RTN1: variants seen among roughly 807,000 people sequenced by gnomAD.
RTN1 encodes reticulon-1.
In RTN1, 25 loss-of-function variants were observed where a neutral mutation model predicts 65.5. The ratio of observed to expected loss-of-function variants is 0.38; its 90% CI spans 0.28 to 0.53. The LOEUF is 0.53. Among genes scored for constraint, RTN1 ranks in the 20% least tolerant of loss-of-function variants. The probability of loss-of-function intolerance (pLI) is 0.79; values close to 1 mark genes in which losing one functional copy is unlikely to be tolerated. For synonymous variants in RTN1, 471 were observed against 447.6 expected (o/e 1.05, Z -0.66); for missense variants, 983 against 1,025.4 (o/e 0.96, Z 0.57).
At position 59,674,487 on chromosome 14, in the gene RTN1, G is replaced by A. The variant is rs564885851; in HGVS notation, c.1765+52432C>T. Among the ~76,000 whole-genome samples, 17 of 152,300 alleles carry A rather than the reference G, an allele frequency of 1.1e-4. No homozygotes were observed. In the East Asian group the frequency reaches 2.5e-3, roughly 22 times the overall value. ...GTTTCTAGTACAGATTAAGAAGCAC[G>A]GAGTTGGAGAGATGAAAAGATATTT... is the stretch of plus-strand genomic sequence containing the variant. On this transcript the variant is annotated intron_variant, in intron 3 of 8. Coordinates refer to ENST00000267484, the MANE Select transcript of RTN1 (RefSeq NM_021136.3).
intron 5 of RTN1, 157 bp from the exon 6 acceptor site, chr14:59,604,078 A>C (rs1324783050): frequency 3.2e-5 from 16 of 492,680 alleles, no homozygotes; most frequent in Non-Finnish European, 5.7e-5. Flanking sequence ...GAATCAATGA[A>C]AGAGGATCCA....
intron 1 of RTN1, among the ~76,000 whole-genome samples, chr14:59,748,704 C>G (rs1379643588): frequency 6.6e-6 from 1 of 152,092 alleles, no homozygotes; most frequent in Non-Finnish European, 1.5e-5. Context: ...GAATTTCTGA[C>G]TATTTTGCTC....
rs756162652 is a variant in RTN1 at position 59,794,927 on chromosome 14, C to T, written c.242-48446G>A. ...CTACAGGAGAAGAAAAGAATAGATA[C>T]TGGAGGAAACCTAGCAGCTTATGTA... On this transcript the variant is annotated intron_variant, in intron 1 of 8. Coordinates refer to ENST00000267484, the MANE Select transcript of RTN1 (RefSeq NM_021136.3). The surrounding 1 kb of genome is among the most constrained non-coding windows in gnomAD (Gnocchi z 5.1). 5.9e-5 allele frequency among the ~76,000 whole-genome samples: 9 copies of T among 152,136 alleles called. No homozygotes were observed. Among genetic ancestry groups the T allele is most frequent in the Non-Finnish European group, 1.3e-4 (9 of 68,026 alleles).
At chr14:59,861,609 A>C (rs1315283643) in intron 1 of RTN1, among the ~76,000 whole-genome samples, 1 of 152,110 alleles carries the variant, frequency 6.6e-6, no homozygotes, top group African/African-American at 2.4e-5. Context: ...TTTTGCTTGA[A>C]CATCACTAAC....
At chr14:59,765,143 GAA>G (rs1885826543) in intron 1 of RTN1, among the ~76,000 whole-genome samples, 1 of 151,888 alleles carries the variant, frequency 6.6e-6, no homozygotes, top group East Asian at 1.9e-4. Context: ...AAAAAACAAA[GAA>G]GGAGTAGGAT....
At chr14:59,660,138 A>T (rs1303272022) in intron 3 of RTN1, among the ~76,000 whole-genome samples, 2 of 152,222 alleles carry the variant, frequency 1.3e-5, no homozygotes, top group African/African-American at 2.4e-5. Flanking sequence ...CAAAAGAGAC[A>T]AAGAAGGCCA....
In RTN1 at chr14:59,755,738, T is replaced by C. The variant is rs73313742; in HGVS notation, c.242-9257A>G. 2.9e-3 allele frequency among the ~76,000 whole-genome samples: 439 copies of C among 152,310 alleles called. 3 individuals are homozygous for C. Among genetic ancestry groups the C allele is most frequent in the African/African-American group, 0.01 (430 of 41,568 alleles). ...AAATTAAGTGGACTGTGATTTAACA[T>C]GACAAATGGGTACTGAGAAATCCAG... On this transcript the variant is annotated intron_variant, in intron 1 of 8. Coordinates refer to ENST00000267484, the MANE Select transcript of RTN1 (RefSeq NM_021136.3).
At position 59,846,112 on chromosome 14, in the gene RTN1, A is replaced by T. The variant is rs1887403577; in HGVS notation, c.241+24278T>A. ...CCAGGGGTAGGTGGATCATTATAGG[A>T]TGTCAACCAGGTAGGAATTGAAGAC... On this transcript the variant is annotated intron_variant, in intron 1 of 8. Coordinates refer to ENST00000267484, the MANE Select transcript of RTN1 (RefSeq NM_021136.3). The surrounding 1 kb of genome is among the most constrained non-coding windows in gnomAD (Gnocchi z 4.8). Among the ~76,000 whole-genome samples, 2 of 152,186 alleles carry T rather than the reference A, an allele frequency of 1.3e-5. No individual in the cohort carries two copies. Among genetic ancestry groups the T allele is most frequent in the South Asian group, 4.1e-4 (2 of 4,828 alleles).
At chr14:59,652,670 C>A (rs757912241) in intron 3 of RTN1, among the ~76,000 whole-genome samples, 2 of 151,818 alleles carry the variant, frequency 1.3e-5, no homozygotes, top group Non-Finnish European at 2.9e-5. Context: ...GACACTGGGG[C>A]CTACTTGAGG....
intron 1 of RTN1, among the ~76,000 whole-genome samples, chr14:59,859,432 G>A (rs1281120782): frequency 1.3e-5 from 2 of 152,234 alleles, no homozygotes; most frequent in African/African-American, 2.4e-5. Context: ...ATATGGAACT[G>A]TAAGTCCATT....
rs1391919210 is a variant in RTN1, at chr14:59,745,942, C to A, written c.781G>T (p.Ala261Ser). 1 of 1,613,918 alleles carries A rather than the reference C, an allele frequency of 6.2e-7. No individual in the cohort carries two copies. Among genetic ancestry groups the A allele is most frequent in the African/African-American group, 1.3e-5 (1 of 74,888 alleles). ...TCAGAGAGATCATCTATGTATGGAG[C>A]AAATGTGGATTCTTCCAATAAATGG... ...KDHLLEESTF[A>S]PYIDDLSEEQ... is the part of the protein sequence containing the mutation. Residue 261 changes from alanine (A) to serine (S), a missense_variant, in exon 2 of 9, where the codon GCT (alanine) becomes TCT (serine). Ala to Ser is a moderately conservative substitution (Grantham distance 99). This residue lies in a region of RTN1 where 818 missense variants were observed against 801.8 expected (regional missense o/e 1.02). Coordinates refer to ENST00000267484, the MANE Select transcript of RTN1 (RefSeq NM_021136.3).
At chr14:59,649,401 G>A (rs1882975654) in intron 3 of RTN1, among the ~76,000 whole-genome samples, 1 of 152,146 alleles carries the variant, frequency 6.6e-6, no homozygotes, top group Admixed American at 6.6e-5. Context: ...AGCCAAAATT[G>A]ACAATTGGGA....
intron 3 of RTN1, among the ~76,000 whole-genome samples, chr14:59,612,919 G>A (rs1881997374): frequency 6.6e-6 from 1 of 152,230 alleles, no homozygotes; most frequent in Non-Finnish European, 1.5e-5. Flanking sequence ...GTATAGCTCA[G>A]TAGCTACGGC....
intron 3 of RTN1, among the ~76,000 whole-genome samples, chr14:59,627,325 G>A (rs1017588416): frequency 1.3e-5 from 2 of 152,224 alleles, no homozygotes; most frequent in Admixed American, 1.3e-4. Flanking sequence ...TCTGGAGACA[G>A]CCCAGGCTTG....
chr14:59,681,622 T>C (rs1388267156), intron 3 of RTN1, among the ~76,000 whole-genome samples: 1 of 152,160 alleles, frequency 6.6e-6, no homozygotes, highest in East Asian at 1.9e-4. Context: ...GCTCTGAATC[T>C]CCAGCCTGGA....
At chr14:59,749,545 ATT>A (rs1468913395) in intron 1 of RTN1, among the ~76,000 whole-genome samples, 1 of 53,318 alleles carries the variant, frequency 1.9e-5, no homozygotes, top group East Asian at 4.9e-4. Context: ...ATCTATATAT[ATT>A]TATATAGATA....
intron 1 of RTN1, among the ~76,000 whole-genome samples, chr14:59,862,080 G>T (rs1028223899): frequency 7.2e-5 from 11 of 152,054 alleles, no homozygotes; most frequent in Non-Finnish European, 1.2e-4. Context: ...CTCATATTTA[G>T]CTAATTACAA....
intron 1 of RTN1, among the ~76,000 whole-genome samples, chr14:59,760,136 A>G (rs1885720194): frequency 6.6e-6 from 1 of 152,234 alleles, no homozygotes; most frequent in African/African-American, 2.4e-5. Flanking sequence ...ATGTATTGCT[A>G]TACATAGAAT....
intron 3 of RTN1, among the ~76,000 whole-genome samples, chr14:59,682,842 C>T (rs1341782604): frequency 3.3e-5 from 5 of 152,158 alleles, no homozygotes; most frequent in Non-Finnish European, 7.4e-5. Context: ...CTGAACTCCA[C>T]TCCAGAAACT....
Sources: gnomAD v4.1 joint callset for allele counts (sites outside exome capture counted in the v4.1 genomes callset) on GRCh38, gnomAD v4.1.1 for gene constraint, gnomAD v4.1.1 regional missense constraint, Gnocchi (gnomAD v3.1) non-coding constraint, MANE v1.5 for transcripts, NCBI Gene and HGNC (gene_info 2026-07-23, HGNC 2026-07-21) for gene names.